The following TSR3 variants were observed in gnomAD, a reference collection of about 807,000 sequenced individuals.
TSR3 encodes TSR3 ribosome maturation factor, also known as 18S rRNA aminocarboxypropyltransferase.
In TSR3, 31 loss-of-function variants were observed where a neutral mutation model predicts 28.1. The observed-to-expected ratio is 1.10, with a 90% CI of 0.83 to 1.49. TSR3 has a LOEUF of 1.49. Among genes scored for constraint, TSR3 ranks in the 40% most tolerant of loss-of-function variants. The pLI is 0.00. For missense variants in TSR3, 511 were observed against 444.0 expected (o/e 1.15, Z -1.36); for synonymous variants, 219 against 197.2 (o/e 1.11, Z -0.93).
chr16:1,349,385 G>A lies in TSR3; in HGVS notation c.*52C>T, dbSNP rs2034599220. The A allele has an allele frequency of 1.2e-6, 2 of 1,605,630 alleles. No individual in the cohort carries two copies. Among genetic ancestry groups the A allele is most frequent in the East Asian group, 2.2e-5 (1 of 44,860 alleles). On this transcript the variant is annotated 3_prime_UTR_variant, in exon 6 of 6. Coordinates refer to ENST00000007390, the MANE Select transcript of TSR3 (RefSeq NM_001001410.3). Reference sequence around the variant, plus strand: ...TGCCAGGCCCATTTATGTCCCTCATGTCTCTAGATTTTCTCGTCACCCAGC... The same window carrying A: ...TGCCAGGCCCATTTATGTCCCTCATATCTCTAGATTTTCTCGTCACCCAGC...
At position 1,351,742 on chromosome 16, in the gene TSR3, C is replaced by T. The variant is rs556601696; in HGVS notation, c.63G>A (p.Pro21=). 2.1e-5 allele frequency: 28 copies of T among 1,361,688 alleles called. No homozygotes were observed. The Admixed American group carries it at 3.8e-4, about 18-fold the overall frequency. 84.4% of individuals were successfully genotyped at this position (1,361,688 alleles called of 1,614,324 possible). A position where few individuals can be genotyped will look rare whatever the true frequency, so the allele number is the denominator to read the frequency against. Residue 21 remains proline, a synonymous_variant, in exon 1 of 6, where the codon CCG becomes CCA. Transcript: ENST00000007390. The part of the protein sequence containing the change: ...GAEGGRPRHL[P]TRSLEAFAEE... ...CGGCGAAGGCCTCCAGGGAGCGCGT[C>T]GGGAGGTGCCGAGGGCGGCCGCCTT...
At position 1,349,280 on chromosome 16, in the gene TSR3, G is replaced by A; in HGVS notation, c.*157C>T. The A allele has an allele frequency of 1.2e-6, 1 of 820,750 alleles. No homozygotes were observed. Among genetic ancestry groups the A allele is most frequent in the African/African-American group, 1.7e-5 (1 of 58,674 alleles). 50.8% of individuals were successfully genotyped at this position (820,750 alleles called of 1,614,324 possible). A position where few individuals can be genotyped will look rare whatever the true frequency, so the allele number is the denominator to read the frequency against. On this transcript the variant is annotated 3_prime_UTR_variant, in exon 6 of 6. Transcript: ENST00000007390. ...TTCATTTGCGAGAGCGCCGAGGCAG[G>A]ACACAGAGCACAGCTGTGCTGGAAG...
At position 1,350,053 on chromosome 16, in the gene TSR3, C is replaced by G. The variant is rs1293795256; in HGVS notation, c.703+5G>C. Reference sequence around the variant, plus strand: ...GGCCTTGGTTCCCACCCCGCCAAGGCTCACCGATCTCCTCCTCCTGGGGGC... The same window carrying G: ...GGCCTTGGTTCCCACCCCGCCAAGGGTCACCGATCTCCTCCTCCTGGGGGC... On this transcript the variant is annotated splice_donor_5th_base_variant and intron_variant, in intron 4 of 5. Coordinates refer to ENST00000007390, the MANE Select transcript of TSR3 (RefSeq NM_001001410.3). The G allele has an allele frequency of 1.2e-6, 2 of 1,607,860 alleles. No individual in the cohort carries two copies. The highest frequency in any genetic ancestry group is 2.2e-5 in the South Asian group (2 of 90,778).
Position 1,351,820 on chromosome 16 carries a change from T to G in TSR3, c.-16A>C, listed in dbSNP as rs1431820540. On this transcript the variant is annotated 5_prime_UTR_variant, in exon 1 of 6. Transcript: ENST00000007390. ...TGCGGCCCATGGCGCGGACCTGGGGTGCCGGGGACTCCCCACCCCACGGCC... is the reference window on the plus strand; with the variant it reads ...TGCGGCCCATGGCGCGGACCTGGGGGGCCGGGGACTCCCCACCCCACGGCC... 21 of 1,304,186 alleles carry G rather than the reference T, an allele frequency of 1.6e-5. No homozygotes were observed. The highest frequency in any genetic ancestry group is 2.9e-4 in the Middle Eastern group (1 of 3,476). 80.8% of individuals were successfully genotyped at this position (1,304,186 alleles called of 1,614,324 possible). A position where few individuals can be genotyped will look rare whatever the true frequency, so the allele number is the denominator to read the frequency against.
At chr16:1,349,984 G>A in intron 4 of TSR3, 32 bp from the exon 5 acceptor site, 1 of 1,612,872 alleles carries the variant, frequency 6.2e-7, no homozygotes, top group South Asian at 1.1e-5. Flanking sequence ...GCCTCTAAGT[G>A]AGCTCAGAGC....
At chr16:1,349,707 C>A in intron 5 of TSR3, 99 bp from the exon 6 acceptor site, 1 of 1,442,440 alleles carries the variant, frequency 6.9e-7, no homozygotes, top group South Asian at 1.3e-5. Context: ...ACAGATTCCT[C>A]TTCCTCCCTG....
chr16:1,351,468 C>G lies in TSR3; in HGVS notation c.243G>C (p.Leu81=). The change falls in exon 2 of 6, where the codon CTG becomes CTC. Residue 81 remains leucine, a synonymous_variant. Transcript: ENST00000007390. Reference sequence around the variant, plus strand: ...CCAGGCGCAGGCAGCGCACCAGCCCCAGGCGGGCCAGCTTGCGGCCCGTGC... The same window carrying G: ...CCAGGCGCAGGCAGCGCACCAGCCCGAGGCGGGCCAGCTTGCGGCCCGTGC... ...RRCTGRKLAR[L]GLVRCLRLGH... The G allele has an allele frequency of 1.3e-6, 2 of 1,586,064 alleles. No homozygotes were observed. The highest frequency in any genetic ancestry group is 2.2e-5 in the South Asian group (2 of 89,512).
Position 1,350,932 on chromosome 16 carries a change from A to G in TSR3, c.401T>C (p.Phe134Ser), listed in dbSNP as rs753976955. 3.2e-5 allele frequency: 51 copies of G among 1,612,682 alleles called. No homozygotes were observed. The highest frequency in any genetic ancestry group is 3.6e-5 in the Non-Finnish European group (42 of 1,179,966). ...CSWARLDETP[F>S]GKMRGSHLRL... ...CAAGTGGCTCCCTCGCATCTTCCCA[A>G]ACGGTGTCTCGTCCAGCCTGGCCCA... is the stretch of plus-strand genomic sequence containing the variant. Residue 134 changes from phenylalanine (F) to serine (S), a missense_variant, in exon 3 of 6, where the codon TTT becomes TCT. Transcript: ENST00000007390.
Position 1,351,409 on chromosome 16 carries a change from A to G in TSR3, c.302T>C (p.Val101Ala). The change falls in exon 2 of 6, where the codon GTG (valine) becomes GCG (alanine). Residue 101 changes from valine (V) to alanine (A), a missense_variant. Coordinates refer to ENST00000007390, the MANE Select transcript of TSR3 (RefSeq NM_001001410.3). ...HRFGGLVLSPVGKQYASPADR... is the reference protein window; with the variant it reads ...HRFGGLVLSPAGKQYASPADR... ...TGCGGGGGACGCGTACTGCTTGCCCACGGGGCTCAGCACCAGACCGCCGAA... is the reference window on the plus strand; with the variant it reads ...TGCGGGGGACGCGTACTGCTTGCCCGCGGGGCTCAGCACCAGACCGCCGAA... 1.9e-6 allele frequency: 3 copies of G among 1,594,750 alleles called. No individual in the cohort carries two copies. In the Admixed American group the frequency reaches 5.0e-5, roughly 27 times the overall value.
chr16:1,351,801 C>T lies in TSR3; in HGVS notation c.4G>A (p.Gly2Ser). 4.5e-6 allele frequency: 6 copies of T among 1,326,692 alleles called. No homozygotes were observed. The South Asian group carries it at 1.2e-4, about 27-fold the overall frequency. The allele number at this position is 1,326,692 out of a possible 1,614,324, so 82.2% of individuals were successfully genotyped here. A position where few individuals can be genotyped will look rare whatever the true frequency, so the allele number is the denominator to read the frequency against. The change falls in exon 1 of 6, where the codon GGC becomes AGC. Residue 2 changes from glycine (G) to serine (S), a missense_variant. By Grantham distance (56) the Gly-to-Ser change is moderately conservative. Coordinates refer to ENST00000007390, the MANE Select transcript of TSR3 (RefSeq NM_001001410.3). ...GGCCCGCGCGCTGCCCTCCTGCGGC[C>T]CATGGCGCGGACCTGGGGTGCCGGG... M[G>S]RRRAARGPGA...
chr16:1,349,495 G>GC lies in TSR3; in HGVS notation c.880dup (p.Ala294GlyfsTer2), dbSNP rs754475121. 1.1e-5 allele frequency: 18 copies of GC among 1,613,670 alleles called. No individual in the cohort carries two copies. The highest frequency in any genetic ancestry group is 1.1e-4 in the African/African-American group (8 of 75,038). ...AACCTCAGCCGGGGCCCTGGCCTCA[G>GC]CCCCCCGTCCCTGCGTCTGCTCCTC... On this transcript the variant is annotated frameshift_variant, in exon 6 of 6. Transcript: ENST00000007390. LOFTEE classifies it high-confidence loss of function.
Position 1,349,958 on chromosome 16 carries a change from C to A in TSR3, c.704-6G>T, listed in dbSNP as rs369337216. ...TGAATCCACATCGAAGGGATCTGAG[C>A]CGAGAGAGGAAAGTGGCCTCTAAGT... On this transcript the variant is annotated splice_polypyrimidine_tract_variant and splice_region_variant and intron_variant, in intron 4 of 5. Coordinates refer to ENST00000007390, the MANE Select transcript of TSR3 (RefSeq NM_001001410.3). 6.2e-7 allele frequency: 1 copy of A among 1,613,400 alleles called. No individual in the cohort carries two copies. The highest frequency in any genetic ancestry group is 1.7e-5 in the Admixed American group (1 of 60,006).
At position 1,349,959 on chromosome 16, in the gene TSR3, C is replaced by T. The variant is rs372845875; in HGVS notation, c.704-7G>A. 26 of 1,613,256 alleles carry T rather than the reference C, an allele frequency of 1.6e-5. No homozygotes were observed. In the African/African-American group the frequency reaches 2.4e-4, roughly 15 times the overall value. On this transcript the variant is annotated splice_polypyrimidine_tract_variant and splice_region_variant and intron_variant, in intron 4 of 5. Coordinates refer to ENST00000007390, the MANE Select transcript of TSR3 (RefSeq NM_001001410.3). ...GAATCCACATCGAAGGGATCTGAGC[C>T]GAGAGAGGAAAGTGGCCTCTAAGTG...
intron 2 of TSR3, 101 bp downstream of exon 2, chr16:1,351,278 G>A (rs2034670190): frequency 3.2e-6 from 4 of 1,262,738 alleles, no homozygotes; most frequent in South Asian, 1.5e-5. Context: ...TGCCCACGTG[G>A]GTGTGGATGT....
rs142109530 is a variant in TSR3, at chr16:1,350,111, G to A, written c.650C>T (p.Ala217Val). 3.0e-3 allele frequency: 4,754 copies of A among 1,610,968 alleles called. 15 individuals carry two copies. Among genetic ancestry groups the A allele is most frequent in the Non-Finnish European group, 3.6e-3 (4,289 of 1,178,594 alleles). ...GGCATTGGCCAAGAACTCCTGCTCC[G>A]CCTGCAGCACCTCCTCCGGGCTGCC... ...ACGSPEEVLQ[A>V]EQEFLANAKE... is the part of the protein sequence containing the mutation. Residue 217 changes from alanine (A) to valine (V), a missense_variant, in exon 4 of 6, where the codon GCG becomes GTG. Coordinates refer to ENST00000007390, the MANE Select transcript of TSR3 (RefSeq NM_001001410.3).
rs2141630604 is a variant in TSR3, at chr16:1,350,796, C to T, written c.526+11G>A. 2.5e-6 allele frequency: 4 copies of T among 1,610,350 alleles called. No individual in the cohort carries two copies. The East Asian group carries it at 6.7e-5, about 27-fold the overall frequency. ...CGCCGGGTCACACTGCTGTGGGGCC[C>T]CTGGACTCACCTACGATGCAGAAGG... On this transcript the variant is annotated intron_variant, in intron 3 of 5. Coordinates refer to ENST00000007390, the MANE Select transcript of TSR3 (RefSeq NM_001001410.3).
At chr16:1,350,365 C>T in intron 3 of TSR3, 131 bp from the exon 4 acceptor site, 2 of 1,021,698 alleles carry the variant, frequency 2.0e-6, no homozygotes, top group South Asian at 1.7e-5. Context: ...AGCTCACAGT[C>T]CTGAGAACCC....
chr16:1,351,648 A>G (rs1211207411), intron 1 of TSR3, 45 bp downstream of exon 1: 2 of 1,428,940 alleles, frequency 1.4e-6, no homozygotes, highest in South Asian at 1.4e-5. Context: ...ACCCCCGGGC[A>G]GGCCCTCAAA....
Position 1,349,520 on chromosome 16 carries a change from C to T in TSR3, c.856G>A (p.Glu286Lys), listed in dbSNP as rs747955611. 1.9e-6 allele frequency: 3 copies of T among 1,613,580 alleles called. No homozygotes were observed. Among genetic ancestry groups the T allele is most frequent in the South Asian group, 1.1e-5 (1 of 91,086 alleles). ...GCCCCCCGTCCCTGCGTCTGCTCCT[C>T]TTCACAGCAGCTGCTGCTGGCTCCT... is the stretch of plus-strand genomic sequence containing the variant. ...RGGASSSCCE[E>K]EQTQGRGAEA... is the part of the protein sequence containing the mutation. Residue 286 changes from glutamate to lysine, a missense_variant, in exon 6 of 6, where the codon GAG becomes AAG. Glu to Lys is a moderately conservative substitution (Grantham distance 56). Transcript: ENST00000007390.
Sources: allele counts gnomAD v4.1 joint callset, GRCh38; gene constraint gnomAD v4.1.1; transcripts MANE v1.5; gene names NCBI Gene and HGNC (gene_info 2026-07-23, HGNC 2026-07-21).